The following KLHL3 variants were observed in gnomAD, a reference collection of about 807,000 sequenced individuals.
KLHL3 encodes the protein kelch-like protein 3.
KLHL3 carries 19 observed loss-of-function variants against 70.5 expected under a neutral mutation model. The observed-to-expected ratio is 0.27, with a 90% CI of 0.19 to 0.40. KLHL3 has a LOEUF of 0.40. KLHL3 is among the 10% of genes least tolerant of loss of function. KLHL3 has a pLI of 1.00. For missense variants in KLHL3, 512 were observed against 771.1 expected (o/e 0.66, Z 3.98); for synonymous variants, 258 against 290.3 (o/e 0.89, Z 1.13).
At chr5:137,699,310 G>A (rs1047989742) in intron 3 of KLHL3, among the ~76,000 whole-genome samples, 1 of 152,154 alleles carries the variant, frequency 6.6e-6, no homozygotes, top group Admixed American at 6.5e-5. Flanking sequence ...ATGGCGAGAG[G>A]TTGGTGTGGC....
intron 5 of KLHL3, among the ~76,000 whole-genome samples, chr5:137,684,806 G>A (rs1414834243): frequency 1.3e-5 from 2 of 152,220 alleles, no homozygotes; most frequent in East Asian, 3.8e-4. Flanking sequence ...AGTTGCCCAG[G>A]AAGACTGTGA....
At chr5:137,710,253 G>C (rs116592670) in intron 2 of KLHL3, among the ~76,000 whole-genome samples, 1,831 of 152,266 alleles carry the variant, frequency 0.012, 40 homozygotes, top group African/African-American at 0.042. Context: ...GAGCATACCA[G>C]TGAAGTGTGT....
At chr5:137,661,833 T>G (rs1751482151) in intron 7 of KLHL3, 82 bp downstream of exon 7, 2 of 786,378 alleles carry the variant, frequency 2.5e-6, no homozygotes, top group Admixed American at 3.9e-5. Context: ...CCTCAACTAC[T>G]CCATCCAACC....
intron 10 of KLHL3, among the ~76,000 whole-genome samples, chr5:137,637,700 G>GC (rs893078030): frequency 6.6e-6 from 1 of 152,194 alleles, no homozygotes; most frequent in African/African-American, 2.4e-5. Flanking sequence ...ATTCCAAGTA[G>GC]TCACCTGAGG....
intron 14 of KLHL3, 24 bp from the exon 15 acceptor site, chr5:137,622,150 T>C (rs747144164): frequency 2.5e-6 from 4 of 1,613,954 alleles, no homozygotes; most frequent in Middle Eastern, 1.6e-4. Flanking sequence ...GGGAGAAAGT[T>C]ATCATCTTAG....
At chr5:137,725,329 T>G (rs780352136) in intron 1 of KLHL3, among the ~76,000 whole-genome samples, 39 of 152,264 alleles carry the variant, frequency 2.6e-4, no homozygotes, top group Middle Eastern at 3.4e-3. Flanking sequence ...CATGAGATGT[T>G]TTCTGTTGAA....
chr5:137,671,900 G>A (rs1751768965), intron 6 of KLHL3: 1 of 152,038 alleles, frequency 6.6e-6, no homozygotes, highest in Non-Finnish European at 1.5e-5. Flanking sequence ...AAAAAGTTTA[G>A]TTGTATACTT....
At chr5:137,684,372 C>T (rs1752111063) in intron 5 of KLHL3, among the ~76,000 whole-genome samples, 2 of 152,156 alleles carry the variant, frequency 1.3e-5, no homozygotes, top group African/African-American at 4.8e-5. Flanking sequence ...AGAGGACTCT[C>T]ACTGAGTCAG....
chr5:137,690,899 T>C (rs113944169), intron 5 of KLHL3, among the ~76,000 whole-genome samples: 1,607 of 152,064 alleles, frequency 0.011, 31 homozygotes, highest in African/African-American at 0.037. Context: ...AAGAAGGAGG[T>C]GTTTTATTGC....
chr5:137,728,557 A>G (rs1029971023), intron 1 of KLHL3, among the ~76,000 whole-genome samples: 6 of 152,150 alleles, frequency 3.9e-5, no homozygotes, highest in African/African-American at 1.4e-4. Context: ...AGTGAGAGAA[A>G]GCCAGCAACA....
Position 137,706,121 on chromosome 5 carries a change from C to G in KLHL3, c.241+3629G>C, listed in dbSNP as rs958991711. 6 of 985,250 alleles carry G rather than the reference C, an allele frequency of 6.1e-6. No individual in the cohort carries two copies. In the African/African-American group the frequency reaches 1.0e-4, roughly 17 times the overall value. The allele number at this position is 985,250 out of a possible 1,614,324, so 61.0% of individuals were successfully genotyped here. On this transcript the variant is annotated intron_variant, in intron 3 of 14. Transcript: ENST00000309755. Reference sequence around the variant, plus strand: ...GAAGTGTGGGATTGGTATTTGGAACCACCTCAGGACATTTGGGCAACATGA... The same window carrying G: ...GAAGTGTGGGATTGGTATTTGGAACGACCTCAGGACATTTGGGCAACATGA...
At chr5:137,712,800 C>T (rs1216238465) in intron 2 of KLHL3, among the ~76,000 whole-genome samples, 1 of 152,152 alleles carries the variant, frequency 6.6e-6, no homozygotes, top group African/African-American at 2.4e-5. Flanking sequence ...TGTCCCACCA[C>T]TCTCTAGTGT....
At chr5:137,709,658 T>G in intron 3 of KLHL3, 92 bp downstream of exon 3, 1 of 1,010,792 alleles carries the variant, frequency 9.9e-7, no homozygotes, top group Non-Finnish European at 1.6e-6. Flanking sequence ...TGGCTTTCTC[T>G]TTCCTCCCTC....
At chr5:137,629,657 A>G (rs1269537020) in intron 12 of KLHL3, 3 of 152,224 alleles carry the variant, frequency 2.0e-5, no homozygotes, top group Non-Finnish European at 4.4e-5. Flanking sequence ...TGAATAACAA[A>G]AATATAAATT....
chr5:137,685,280 T>G (rs1191355023), intron 5 of KLHL3, among the ~76,000 whole-genome samples: 1 of 152,202 alleles, frequency 6.6e-6, no homozygotes, highest in Admixed American at 6.5e-5. Context: ...ATAAAAAAAC[T>G]GGAAACATTA....
In KLHL3 at chr5:137,619,906, G is replaced by C. The variant is rs1371748144; in HGVS notation, c.*2192C>G. 6.6e-6 allele frequency: 1 copy of C among 152,434 alleles called. No individual in the cohort carries two copies. Among genetic ancestry groups the C allele is most frequent in the Non-Finnish European group, 1.5e-5 (1 of 68,062 alleles). 9.4% of individuals were successfully genotyped at this position (152,434 alleles called of 1,614,324 possible). ...CATGAAAGTCTAGCTTCTCAGTGGTGGGGGAGGGGCAGGGAATTCACCTAT... is the reference window on the plus strand; with the variant it reads ...CATGAAAGTCTAGCTTCTCAGTGGTCGGGGAGGGGCAGGGAATTCACCTAT... On this transcript the variant is annotated 3_prime_UTR_variant, in exon 15 of 15. Coordinates refer to ENST00000309755, the MANE Select transcript of KLHL3 (RefSeq NM_017415.3).
intron 8 of KLHL3, among the ~76,000 whole-genome samples, chr5:137,651,374 C>T (rs1373746186): frequency 1.3e-5 from 2 of 152,220 alleles, no homozygotes; most frequent in Admixed American, 6.5e-5. Flanking sequence ...CCAACCTGAC[C>T]TCTCCCCCAT....
chr5:137,638,460 G>A (rs563756840), intron 10 of KLHL3, among the ~76,000 whole-genome samples: 1 of 152,326 alleles, frequency 6.6e-6, no homozygotes, highest in South Asian at 2.1e-4. Flanking sequence ...AAGCTAGATA[G>A]AGTCCAGAGG....
chr5:137,686,374 C>T (rs2149913284), intron 5 of KLHL3, among the ~76,000 whole-genome samples: 1 of 152,324 alleles, frequency 6.6e-6, no homozygotes, highest in South Asian at 2.1e-4. Flanking sequence ...CTCTCCTCCC[C>T]ATTCCCCCTG....
Sources: allele counts gnomAD v4.1 joint callset (sites outside exome capture counted in the v4.1 genomes callset), GRCh38; gene constraint gnomAD v4.1.1; transcripts MANE v1.5; gene names NCBI Gene and HGNC (gene_info 2026-07-23, HGNC 2026-07-21).